GARIN2: variants seen among roughly 807,000 people sequenced by gnomAD.
GARIN2 encodes the protein Golgi-associated RAB2 interactor protein 2.
At chr14:67,198,544 C>T in the GARIN2 span, among the ~76,000 whole-genome samples, 1 of 152,254 alleles carries the variant, frequency 6.6e-6, no homozygotes, top group African/African-American at 2.4e-5. Flanking sequence ...TCTGTCTTAA[C>T]TCTACCATAA....
chr14:67,204,006 C>T, the GARIN2 span, among the ~76,000 whole-genome samples: 1 of 152,202 alleles, frequency 6.6e-6, no homozygotes, highest in Non-Finnish European at 1.5e-5. Flanking sequence ...GCCACTGCAC[C>T]CAGCCCATTC....
At chr14:67,199,663 C>T in the GARIN2 span, 1 of 1,580,184 alleles carries the variant, frequency 6.3e-7, no homozygotes, top group East Asian at 2.2e-5. Context: ...AGAACCCGCT[C>T]TCCCAGCCTG....
the GARIN2 span, among the ~76,000 whole-genome samples, chr14:67,192,859 GAT>G: frequency 0.027 from 3,819 of 142,198 alleles, 159 homozygotes; most frequent in African/African-American, 0.091. Flanking sequence ...TAGATATACA[GAT>G]ATATATAGAT....
At chr14:67,211,265 A>T in the GARIN2 span, among the ~76,000 whole-genome samples, 5 of 152,284 alleles carry the variant, frequency 3.3e-5, no homozygotes, top group South Asian at 8.3e-4. Flanking sequence ...TATAGGTGGG[A>T]GGAAGGAAGG....
At chr14:67,213,236 C>T in the GARIN2 span, among the ~76,000 whole-genome samples, 16 of 149,960 alleles carry the variant, frequency 1.1e-4, no homozygotes, top group East Asian at 3.1e-3. Context: ...CATATGTATA[C>T]ATGTGCCATG....
chr14:67,197,758 A>G, the GARIN2 span, among the ~76,000 whole-genome samples: 1 of 152,172 alleles, frequency 6.6e-6, no homozygotes, highest in Admixed American at 6.5e-5. Flanking sequence ...ATAGAAAATA[A>G]TGGTCTGTGG....
the GARIN2 span, among the ~76,000 whole-genome samples, chr14:67,210,377 G>A: frequency 6.6e-6 from 1 of 152,070 alleles, no homozygotes; most frequent in East Asian, 1.9e-4. Context: ...CTTGAGCCCA[G>A]GAGTTTGAAA....
At chr14:67,223,866 A>AC in the GARIN2 span, 1 of 985,748 alleles carries the variant, frequency 1.0e-6, no homozygotes, top group Non-Finnish European at 1.2e-6. Flanking sequence ...AACACCCTGT[A>AC]CCCCAAGAAA....
the GARIN2 span, chr14:67,203,376 C>A: frequency 8.7e-7 from 1 of 1,155,748 alleles, no homozygotes; most frequent in African/African-American, 1.6e-5. Context: ...ACACTGATGA[C>A]AATTGCGCCA....
At chr14:67,216,551 CTCTT>C in the GARIN2 span, among the ~76,000 whole-genome samples, 2 of 152,004 alleles carry the variant, frequency 1.3e-5, no homozygotes, top group South Asian at 2.1e-4. Flanking sequence ...ATAAACTTGA[CTCTT>C]AATACTGCTT....
the GARIN2 span, among the ~76,000 whole-genome samples, chr14:67,209,209 T>C: frequency 6.6e-6 from 1 of 152,164 alleles, no homozygotes; most frequent in Non-Finnish European, 1.5e-5. Context: ...AATGATCAAG[T>C]CCATATCTCA....
At chr14:67,225,540 T>C in the GARIN2 span, among the ~76,000 whole-genome samples, 1 of 152,196 alleles carries the variant, frequency 6.6e-6, no homozygotes, top group South Asian at 2.1e-4. Flanking sequence ...ATTCTTCTCA[T>C]TTCTGTACTT....
chr14:67,201,793 G>GT, the GARIN2 span: 1 of 261,358 alleles, frequency 3.8e-6, no homozygotes, highest in African/African-American at 2.3e-5. Context: ...TTTCAATGAT[G>GT]TATTTTTTAA....
At chr14:67,217,421 G>A in the GARIN2 span, among the ~76,000 whole-genome samples, 1 of 152,140 alleles carries the variant, frequency 6.6e-6, no homozygotes, top group Non-Finnish European at 1.5e-5. Context: ...GGTTATTAGT[G>A]ATAGGTAAAG....
the GARIN2 span, among the ~76,000 whole-genome samples, chr14:67,207,802 T>C: frequency 6.6e-6 from 1 of 152,184 alleles, no homozygotes; most frequent in African/African-American, 2.4e-5. Context: ...TCTTTTATAT[T>C]ATGAGCCCCC....
the GARIN2 span, among the ~76,000 whole-genome samples, chr14:67,212,927 T>C: frequency 0.2 from 30,470 of 150,964 alleles, 4,773 homozygotes; most frequent in East Asian, 0.44. Context: ...TTCTTGGCTG[T>C]TCAAGCAAAG....
chr14:67,208,424 ACAGC>A, the GARIN2 span: 8 of 1,613,808 alleles, frequency 5.0e-6, no homozygotes, highest in Non-Finnish European at 6.8e-6. Context: ...TTTTCAGAGC[ACAGC>A]TCTCAAGGCT....
At chr14:67,199,835 C>T in the GARIN2 span, 1 of 1,498,468 alleles carries the variant, frequency 6.7e-7, no homozygotes. Context: ...TGGGATACCC[C>T]CAGCCATGCC....
the GARIN2 span, among the ~76,000 whole-genome samples, chr14:67,218,933 C>T: frequency 6.6e-6 from 1 of 151,902 alleles, no homozygotes; most frequent in Non-Finnish European, 1.5e-5. Context: ...AGATCCTGGC[C>T]CAGGTTCTGC....
Sources: allele counts gnomAD v4.1 joint callset (sites outside exome capture counted in the v4.1 genomes callset), GRCh38; gene constraint gnomAD v4.1.1; transcripts MANE v1.5; gene names NCBI Gene and HGNC (gene_info 2026-07-23, HGNC 2026-07-21).